The following PCDHGB3 variants were observed in gnomAD, a reference collection of about 807,000 sequenced individuals.
PCDHGB3 encodes the protein protocadherin gamma-B3.
PCDHGB3 carries 40 observed loss-of-function variants against 59.2 expected under a neutral mutation model. The observed-to-expected ratio is 0.68, with a 90% CI of 0.52 to 0.88. The LOEUF (loss-of-function observed/expected upper bound fraction) is 0.88, where lower values mean the gene tolerates loss of function less well. Ranked by LOEUF, PCDHGB3 falls within the 40% of genes least tolerant of loss-of-function variation. The pLI is 0.00. For missense variants in PCDHGB3, 1,309 were observed against 1,187.9 expected (o/e 1.10, Z -1.50); for synonymous variants, 581 against 503.6 (o/e 1.15, Z -2.06).
intron 1 of PCDHGB3, chr5:141,375,127 T>C (rs368439130): frequency 2.5e-6 from 4 of 1,613,808 alleles, no homozygotes; most frequent in African/African-American, 1.3e-5. Flanking sequence ...CAGAAGTGGT[T>C]GTTACATCTG....
In PCDHGB3 at chr5:141,477,155, G is replaced by A. The variant is rs2099406190; in HGVS notation, c.2416-17652G>A. ...GTTGGTGGAGGTTGTGGATGTGAATGACAACGCCCCGGAGATCACAGTCAC... is the reference window on the plus strand; with the variant it reads ...GTTGGTGGAGGTTGTGGATGTGAATAACAACGCCCCGGAGATCACAGTCAC... On this transcript the variant is annotated intron_variant, in intron 1 of 3. Coordinates refer to ENST00000576222, the MANE Select transcript of PCDHGB3 (RefSeq NM_018924.5). The surrounding 1 kb of genome is among the most constrained non-coding windows in gnomAD (Gnocchi z 4.9). The A allele has an allele frequency of 6.2e-7, 1 of 1,614,190 alleles. No individual in the cohort carries two copies. The highest frequency in any genetic ancestry group is 8.5e-7 in the Non-Finnish European group (1 of 1,180,042).
At chr5:141,427,777 C>A in intron 1 of PCDHGB3, 1 of 1,432,382 alleles carries the variant, frequency 7.0e-7, no homozygotes, top group Non-Finnish European at 9.7e-7. Flanking sequence ...GAGCTGCGGG[C>A]ACTGTCGTCC....
In PCDHGB3 at chr5:141,433,177, A is replaced by T; in HGVS notation, c.2415+60368A>T. 1.9e-6 allele frequency: 3 copies of T among 1,608,174 alleles called. No homozygotes were observed. The Middle Eastern group carries it at 5.0e-4, about 267-fold the overall frequency. Reference sequence around the variant, plus strand: ...TATTTTCTAAAGACAGTCATGGGTTAATTGAGGTGAGTTTATATCAAATCT... The same window carrying T: ...TATTTTCTAAAGACAGTCATGGGTTTATTGAGGTGAGTTTATATCAAATCT... On this transcript the variant is annotated intron_variant, in intron 1 of 3. Coordinates refer to ENST00000576222, the MANE Select transcript of PCDHGB3 (RefSeq NM_018924.5).
chr5:141,509,447 C>T (rs898280593), intron 3 of PCDHGB3, among the ~76,000 whole-genome samples: 2 of 152,128 alleles, frequency 1.3e-5, no homozygotes, highest in Admixed American at 6.5e-5. Context: ...CCTCCTCTCC[C>T]ACCCCCGACC....
At chr5:141,414,947 T>C (rs1422289231) in intron 1 of PCDHGB3, 1 of 1,614,052 alleles carries the variant, frequency 6.2e-7, no homozygotes, top group Non-Finnish European at 8.5e-7. Context: ...CCCGGCTACC[T>C]GGTGACCAAG....
intron 2 of PCDHGB3, among the ~76,000 whole-genome samples, chr5:141,500,666 G>A (rs567881941): frequency 3.6e-4 from 55 of 152,250 alleles, no homozygotes; most frequent in African/African-American, 1.3e-3. Context: ...AGGCCATACT[G>A]TCCAACAGAA....
chr5:141,474,244 A>G (rs910247549), intron 1 of PCDHGB3, among the ~76,000 whole-genome samples: 26 of 152,270 alleles, frequency 1.7e-4, no homozygotes, highest in Non-Finnish European at 3.2e-4. Context: ...TGAATAGGGG[A>G]AAAAAAGACT....
rs144695545 is a variant in PCDHGB3, at chr5:141,487,156, C to G, written c.2416-7651C>G. ...CACCACTCTCTACCTCTGTTACTCT[C>G]TTAGTGTCCTTAGAGGAAGACACTC... On this transcript the variant is annotated intron_variant, in intron 1 of 3. Transcript: ENST00000576222. This position sits in a 1 kb window ranked among gnomAD's most constrained non-coding sequence, Gnocchi z 5.0. 105 of 1,613,896 alleles carry G rather than the reference C, an allele frequency of 6.5e-5. No homozygotes were observed. In the African/African-American group the frequency reaches 1.2e-3, roughly 18 times the overall value.
chr5:141,405,744 C>T (rs2094711384), intron 1 of PCDHGB3, among the ~76,000 whole-genome samples: 1 of 152,192 alleles, frequency 6.6e-6, no homozygotes, highest in African/African-American at 2.4e-5. Flanking sequence ...TCCCAAAGCA[C>T]TGGGATTACA....
Position 141,372,280 on chromosome 5 carries a change from C to T in PCDHGB3, c.1886C>T (p.Ala629Val). 2 of 1,613,164 alleles carry T rather than the reference C, an allele frequency of 1.2e-6. No individual in the cohort carries two copies. The highest frequency in any genetic ancestry group is 1.7e-5 in the Admixed American group (1 of 60,010). ...LGLRTGEVRT[A>V]RTLGDREAAR... ...CTGCGCACGGGTGAGGTGCGCACGG[C>T]GCGTACCTTGGGCGACAGGGAGGCC... The change falls in exon 1 of 4, where the codon GCG (alanine) becomes GTG (valine). Residue 629 changes from alanine to valine, a missense_variant. Ala to Val is a moderately conservative substitution (Grantham distance 64). Coordinates refer to ENST00000576222, the MANE Select transcript of PCDHGB3 (RefSeq NM_018924.5).
intron 1 of PCDHGB3, among the ~76,000 whole-genome samples, chr5:141,447,123 T>G (rs1004463863): frequency 1.3e-5 from 2 of 152,160 alleles, no homozygotes; most frequent in Non-Finnish European, 2.9e-5. Flanking sequence ...CCATGGATTT[T>G]TTTGTTTGTT....
At chr5:141,420,359 A>G in intron 1 of PCDHGB3, 1 of 1,378,858 alleles carries the variant, frequency 7.3e-7, no homozygotes, top group Non-Finnish European at 9.6e-7. Flanking sequence ...TTAAGATTCT[A>G]GATAACTTCT....
chr5:141,412,827 A>G (rs977931124), intron 1 of PCDHGB3, among the ~76,000 whole-genome samples: 2 of 152,236 alleles, frequency 1.3e-5, no homozygotes, highest in Non-Finnish European at 2.9e-5. Context: ...ATAGTAAATT[A>G]TTTAAAGATA....
At chr5:141,399,837 C>T in intron 1 of PCDHGB3, 4 of 1,613,130 alleles carry the variant, frequency 2.5e-6, no homozygotes, top group Non-Finnish European at 3.4e-6. Context: ...GCTCTGCGCT[C>T]TTCGATATGG....
chr5:141,389,850 GC>G (rs757946267), intron 1 of PCDHGB3: 1 of 1,614,070 alleles, frequency 6.2e-7, no homozygotes, highest in Non-Finnish European at 8.5e-7. Context: ...CTCGGCCACT[GC>G]CACGTTGCAC....
chr5:141,456,383 T>G (rs1372337704), intron 1 of PCDHGB3, among the ~76,000 whole-genome samples: 4 of 152,130 alleles, frequency 2.6e-5, no homozygotes, highest in Admixed American at 2.6e-4. Flanking sequence ...ACAGCACCGT[T>G]TGGAGTTTGA....
At chr5:141,456,204 C>A (rs867187371) in intron 1 of PCDHGB3, among the ~76,000 whole-genome samples, 17 of 152,222 alleles carry the variant, frequency 1.1e-4, no homozygotes, top group South Asian at 2.1e-4. Context: ...CTACCACATT[C>A]CTCCCTGTGG....
intron 1 of PCDHGB3, among the ~76,000 whole-genome samples, chr5:141,474,379 T>A (rs1451968368): frequency 6.6e-6 from 1 of 152,208 alleles, no homozygotes; most frequent in Non-Finnish European, 1.5e-5. Flanking sequence ...GAGGAGGGCA[T>A]TTCTGCATTT....
At chr5:141,400,052 T>C in intron 1 of PCDHGB3, 1 of 1,613,686 alleles carries the variant, frequency 6.2e-7, no homozygotes, top group Non-Finnish European at 8.5e-7. Context: ...CTGGTTGCTG[T>C]GCGTGATGGT....
Sources: allele counts gnomAD v4.1 joint callset (sites outside exome capture counted in the v4.1 genomes callset), GRCh38; gene constraint gnomAD v4.1.1; non-coding constraint Gnocchi (gnomAD v3.1); transcripts MANE v1.5; gene names NCBI Gene and HGNC (gene_info 2026-07-23, HGNC 2026-07-21).